Variants in SPATS2 observed in about 807,000 individuals in gnomAD.
The protein encoded by SPATS2 is spermatogenesis-associated serine-rich protein 2.
A neutral mutation model predicts 63.7 loss-of-function variants in SPATS2; 38 were observed. The observed-to-expected ratio is 0.60, with a 90% CI of 0.46 to 0.78. The LOEUF (loss-of-function observed/expected upper bound fraction) is 0.78, where lower values mean the gene tolerates loss of function less well. SPATS2 is among the 30% of genes least tolerant of loss of function. The pLI, the probability that SPATS2 is intolerant of heterozygous loss-of-function variation, is 0.00. For missense variants in SPATS2, 588 were observed against 666.2 expected (o/e 0.88, Z 1.29); for synonymous variants, 207 against 232.9 (o/e 0.89, Z 1.01).
At chr12:49,519,626 T>C (rs1274251671) in intron 11 of SPATS2, among the ~76,000 whole-genome samples, 1 of 148,978 alleles carries the variant, frequency 6.7e-6, no homozygotes, top group Non-Finnish European at 1.5e-5. Flanking sequence ...GCTTTTAGGA[T>C]GAATACTATA....
intron 1 of SPATS2, among the ~76,000 whole-genome samples, chr12:49,369,002 C>CA (rs1383979300): frequency 6.7e-6 from 1 of 149,276 alleles, no homozygotes; most frequent in African/African-American, 2.5e-5. Flanking sequence ...GAAATGAGTG[C>CA]AGTGTTCTCA....
chr12:49,407,600 T>A (rs771411852), intron 2 of SPATS2, among the ~76,000 whole-genome samples: 28 of 152,202 alleles, frequency 1.8e-4, no homozygotes, highest in Non-Finnish European at 3.4e-4. Flanking sequence ...TCTTCCTTAT[T>A]TCAGGGGTCA....
chr12:49,428,078 A>G (rs1473851233), intron 2 of SPATS2, among the ~76,000 whole-genome samples: 1 of 151,882 alleles, frequency 6.6e-6, no homozygotes, highest in East Asian at 1.9e-4. Context: ...ACACGGTGAA[A>G]CCCCGTCTCT....
At chr12:49,399,851 T>C (rs1944574680) in intron 2 of SPATS2, among the ~76,000 whole-genome samples, 1 of 152,072 alleles carries the variant, frequency 6.6e-6, no homozygotes, top group Non-Finnish European at 1.5e-5. Context: ...TCCTGGCTAA[T>C]GTGTTGAAAC....
chr12:49,378,420 C>T (rs1944148629), intron 2 of SPATS2, among the ~76,000 whole-genome samples: 1 of 152,010 alleles, frequency 6.6e-6, no homozygotes, highest in South Asian at 2.1e-4. Flanking sequence ...GCCTCAGCCT[C>T]CTGAGTAGCT....
At chr12:49,462,571 C>T (rs1945841006) in intron 3 of SPATS2, 4 of 633,910 alleles carry the variant, frequency 6.3e-6, no homozygotes, top group South Asian at 1.8e-5. Flanking sequence ...TATCTGCACT[C>T]GTGGCTCCTG....
chr12:49,457,155 G>A (rs1006480819), intron 2 of SPATS2, among the ~76,000 whole-genome samples: 1 of 151,920 alleles, frequency 6.6e-6, no homozygotes, highest in African/African-American at 2.4e-5. Context: ...TATTCAAGGA[G>A]GAATCTGCTT....
chr12:49,519,131 G>A lies in SPATS2; in HGVS notation c.957G>A (p.Val319=), dbSNP rs752988583. The A allele has an allele frequency of 1.9e-5, 30 of 1,613,932 alleles. No individual in the cohort carries two copies. Among genetic ancestry groups the A allele is most frequent in the African/African-American group, 6.7e-5 (5 of 74,880 alleles). ...AACTTCTAAAGAAGATGACTCATGT[G>A]GCTGTTCAAATGTCAGAGCAGCAAT... ...KAELLKKMTH[V]AVQMSEQQLV... The change falls in exon 11 of 14, where the codon GTG becomes GTA. Residue 319 remains valine (V), a synonymous_variant. Transcript: ENST00000552918.
chr12:49,394,705 A>G (rs1248490968), intron 2 of SPATS2, among the ~76,000 whole-genome samples: 1 of 152,100 alleles, frequency 6.6e-6, no homozygotes, highest in African/African-American at 2.4e-5. Context: ...CAACGTTGCT[A>G]AACTCATTTA....
chr12:49,381,433 C>A (rs1944219890), intron 2 of SPATS2, among the ~76,000 whole-genome samples: 1 of 152,066 alleles, frequency 6.6e-6, no homozygotes, highest in African/African-American at 2.4e-5. Flanking sequence ...TATTTAAGGC[C>A]AATAAAGATT....
chr12:49,494,688 G>T (rs967234651), intron 6 of SPATS2, 53 bp from the exon 7 acceptor site: 1 of 1,458,408 alleles, frequency 6.9e-7, no homozygotes, highest in Non-Finnish European at 9.1e-7. Flanking sequence ...TCTAGGTTGT[G>T]GGGGAATCTT....
chr12:49,512,130 A>T, intron 9 of SPATS2, among the ~76,000 whole-genome samples: 1 of 152,328 alleles, frequency 6.6e-6, no homozygotes, highest in Middle Eastern at 3.4e-3. Context: ...TTAAATTTTG[A>T]CATTCATTTT....
At chr12:49,483,434 A>T (rs113203366) in intron 3 of SPATS2, among the ~76,000 whole-genome samples, 2,298 of 152,248 alleles carry the variant, frequency 0.015, 58 homozygotes, top group African/African-American at 0.052. Context: ...ATTAATAAAG[A>T]TAATTGGGAG....
intron 8 of SPATS2, among the ~76,000 whole-genome samples, chr12:49,499,391 GTTGTT>G (rs367735131): frequency 0.2 from 28,912 of 146,264 alleles, 3,524 homozygotes; most frequent in African/African-American, 0.34. Context: ...GTTCTGCCTG[GTTGTT>G]TTGTTTTGTT....
At chr12:49,377,741 G>A (rs940738584) in intron 2 of SPATS2, among the ~76,000 whole-genome samples, 3 of 152,086 alleles carry the variant, frequency 2.0e-5, no homozygotes, top group African/African-American at 7.2e-5. Flanking sequence ...TTATTTCTAT[G>A]TATAATATTT....
At chr12:49,414,448 A>T (rs886581964) in intron 2 of SPATS2, among the ~76,000 whole-genome samples, 4 of 152,168 alleles carry the variant, frequency 2.6e-5, no homozygotes, top group African/African-American at 7.2e-5. Context: ...GGTTAAAAAA[A>T]AAAGTTCAAC....
intron 9 of SPATS2, 133 bp downstream of exon 9, chr12:49,500,338 T>A: frequency 9.7e-7 from 1 of 1,034,298 alleles, no homozygotes; most frequent in Non-Finnish European, 1.4e-6. Context: ...TCCTATGGTA[T>A]ATTTAGCTTT....
intron 3 of SPATS2, among the ~76,000 whole-genome samples, chr12:49,474,356 G>T (rs1014023050): frequency 2.6e-5 from 4 of 152,144 alleles, no homozygotes; most frequent in South Asian, 2.1e-4. Context: ...TGATATGAAG[G>T]TTAATGAGTG....
chr12:49,505,070 T>G (rs80262035), intron 9 of SPATS2, among the ~76,000 whole-genome samples: 1 of 120,530 alleles, frequency 8.3e-6, no homozygotes, highest in Non-Finnish European at 2.0e-5. Flanking sequence ...AGCTCAGAGC[T>G]TTTTTTTTTA....
Sources: allele counts gnomAD v4.1 joint callset (sites outside exome capture counted in the v4.1 genomes callset), GRCh38; gene constraint gnomAD v4.1.1; transcripts MANE v1.5; gene names NCBI Gene and HGNC (gene_info 2026-07-23, HGNC 2026-07-21).